FBN2: variants seen among roughly 807,000 people sequenced by gnomAD.
The protein encoded by FBN2 is fibrillin 2, also known as fibrillin-2.
In FBN2, 105 loss-of-function variants were observed where a neutral mutation model predicts 355.6. That is an observed-to-expected ratio of 0.30 (90% CI 0.25 to 0.35). FBN2 has a LOEUF of 0.35. Among genes scored for constraint, FBN2 ranks in the 10% least tolerant of loss-of-function variants. The pLI, the probability that FBN2 is intolerant of heterozygous loss-of-function variation, is 1.00. For missense variants in FBN2, 3,280 were observed against 3,758.7 expected (o/e 0.87, Z 3.33); for synonymous variants, 1,350 against 1,301.2 (o/e 1.04, Z -0.81).
intron 5 of FBN2, among the ~76,000 whole-genome samples, chr5:128,470,838 T>C (rs1242701584): frequency 2.0e-5 from 3 of 152,188 alleles, no homozygotes; most frequent in African/African-American, 7.2e-5. Context: ...ACTGCATAGA[T>C]TGTGCCCTGC....
chr5:128,285,240 T>C (rs527952932), intron 55 of FBN2, among the ~76,000 whole-genome samples: 4 of 147,770 alleles, frequency 2.7e-5, no homozygotes, highest in African/African-American at 9.7e-5. Context: ...GGCATTTTTA[T>C]TGATTTTTTT....
chr5:128,442,244 T>C (rs1323208109), intron 7 of FBN2: 1 of 450,348 alleles, frequency 2.2e-6, no homozygotes, highest in Non-Finnish European at 4.4e-6. Context: ...AATACAATGA[T>C]GTTCTTTTTC....
chr5:128,407,317 G>A (rs1752951661), intron 8 of FBN2, among the ~76,000 whole-genome samples: 1 of 152,102 alleles, frequency 6.6e-6, no homozygotes, highest in Non-Finnish European at 1.5e-5. Flanking sequence ...TTATCACACA[G>A]GGCTATTAGA....
At chr5:128,308,623 C>T (rs1447891563) in intron 41 of FBN2, among the ~76,000 whole-genome samples, 1 of 151,998 alleles carries the variant, frequency 6.6e-6, no homozygotes, top group African/African-American at 2.4e-5. Flanking sequence ...TTAAGACAAG[C>T]ATTTTTGCTC....
intron 11 of FBN2, among the ~76,000 whole-genome samples, chr5:128,385,471 T>G (rs1752344026): frequency 6.6e-6 from 1 of 152,178 alleles, no homozygotes; most frequent in African/African-American, 2.4e-5. Flanking sequence ...GATGGGCATT[T>G]AGGCTGTTTC....
At chr5:128,427,982 C>T (rs1753526249) in intron 7 of FBN2, among the ~76,000 whole-genome samples, 1 of 152,182 alleles carries the variant, frequency 6.6e-6, no homozygotes. Context: ...CAGTTAATGG[C>T]AATTTCAACC....
chr5:128,291,762 C>T (rs188756161), intron 48 of FBN2, 108 bp from the exon 49 acceptor site: 80 of 1,062,588 alleles, frequency 7.5e-5, no homozygotes, highest in Admixed American at 2.2e-4. Context: ...AGAGATATTA[C>T]GTTGTATGTT....
intron 4 of FBN2, among the ~76,000 whole-genome samples, chr5:128,521,106 G>A (rs1472884344): frequency 2.0e-5 from 3 of 152,054 alleles, no homozygotes; most frequent in African/African-American, 7.3e-5. Context: ...GCAAAGACAT[G>A]GAATCAACCC....
chr5:128,449,435 GTA>G (rs1754174716), intron 6 of FBN2, among the ~76,000 whole-genome samples: 1 of 95,744 alleles, frequency 1.0e-5, no homozygotes, highest in Admixed American at 1.0e-4. Context: ...ATAGTATACT[GTA>G]TAATTATATA....
intron 6 of FBN2, among the ~76,000 whole-genome samples, chr5:128,457,983 G>A (rs1417778139): frequency 6.6e-6 from 1 of 152,086 alleles, no homozygotes; most frequent in Non-Finnish European, 1.5e-5. Context: ...AAATGTAAAT[G>A]GGCTAAATGC....
chr5:128,486,719 C>A (rs1369514766), intron 5 of FBN2, among the ~76,000 whole-genome samples: 1 of 152,040 alleles, frequency 6.6e-6, no homozygotes, highest in Non-Finnish European at 1.5e-5. Context: ...GTTTGCTGCA[C>A]CCATTAACTC....
chr5:128,518,676 G>A (rs1275514732), intron 5 of FBN2, among the ~76,000 whole-genome samples: 3 of 152,170 alleles, frequency 2.0e-5, no homozygotes, highest in Non-Finnish European at 4.4e-5. Flanking sequence ...TCTGTCTCAA[G>A]AGGTGAAGAA....
intron 39 of FBN2, among the ~76,000 whole-genome samples, chr5:128,311,085 C>G (rs760049467): frequency 6.6e-6 from 1 of 151,774 alleles, no homozygotes; most frequent in Non-Finnish European, 1.5e-5. Context: ...TTTAATCAAC[C>G]CTCCTGGAAA....
Position 128,259,842 on chromosome 5 carries a change from C to G in FBN2, c.8365-13G>C. 6.2e-7 allele frequency: 1 copy of G among 1,613,142 alleles called. No homozygotes were observed. Among genetic ancestry groups the G allele is most frequent in the Non-Finnish European group, 8.5e-7 (1 of 1,179,860 alleles). On this transcript the variant is annotated splice_polypyrimidine_tract_variant and intron_variant, in intron 64 of 64. Transcript: ENST00000262464. ...TGATCTGTTCAACCTGGAGGAAGAA[C>G]AGGAAATGATTTGGGACAAGCTTCT...
At chr5:128,281,708 C>A (rs1765549938) in intron 55 of FBN2, among the ~76,000 whole-genome samples, 1 of 152,076 alleles carries the variant, frequency 6.6e-6, no homozygotes, top group African/African-American at 2.4e-5. Context: ...TTATTTGAGA[C>A]AGAGTCTCGC....
chr5:128,531,482 C>A (rs953011691), intron 2 of FBN2, among the ~76,000 whole-genome samples: 4 of 151,904 alleles, frequency 2.6e-5, no homozygotes, highest in African/African-American at 9.7e-5. Flanking sequence ...GTGATGGATG[C>A]ACCAAAATCT....
intron 48 of FBN2, among the ~76,000 whole-genome samples, chr5:128,292,337 T>C (rs564631702): frequency 5.1e-4 from 66 of 129,714 alleles, no homozygotes; most frequent in Non-Finnish European, 9.3e-4. Flanking sequence ...CCTGCCTGAC[T>C]AGTGATTTTT....
chr5:128,310,423 T>C (rs1175981057), intron 39 of FBN2, among the ~76,000 whole-genome samples: 7 of 129,556 alleles, frequency 5.4e-5, no homozygotes, highest in Non-Finnish European at 1.1e-4. Flanking sequence ...TTTTTTTTTA[T>C]TGCAATTCGC....
Position 128,286,867 on chromosome 5 carries a change from A to G in FBN2, c.6881-18T>C, listed in dbSNP as rs1341266848. ...ATCCAGATCTAGAACAAAAAATAAAAATTAAAAATTATCTGGAGCAAGCTG... is the reference window on the plus strand; with the variant it reads ...ATCCAGATCTAGAACAAAAAATAAAGATTAAAAATTATCTGGAGCAAGCTG... On this transcript the variant is annotated intron_variant, in intron 54 of 64. Transcript: ENST00000262464. The G allele has an allele frequency of 2.5e-6, 4 of 1,612,710 alleles. No individual in the cohort carries two copies. The highest frequency in any genetic ancestry group is 1.7e-5 in the Admixed American group (1 of 59,954).
Sources: gnomAD v4.1 joint callset for allele counts (sites outside exome capture counted in the v4.1 genomes callset) on GRCh38, gnomAD v4.1.1 for gene constraint, MANE v1.5 for transcripts, NCBI Gene and HGNC (gene_info 2026-07-23, HGNC 2026-07-21) for gene names.